OOEP: variants seen among roughly 807,000 people sequenced by gnomAD.
OOEP encodes the protein oocyte-expressed protein homolog.
A neutral mutation model predicts 13.7 loss-of-function variants in OOEP; 16 were observed. The ratio of observed to expected loss-of-function variants is 1.16; its 90% confidence interval spans 0.79 to 1.77. The LOEUF is 1.77. Ranked by LOEUF, OOEP falls within the 40% of genes most tolerant of loss-of-function variation. OOEP has a pLI of 0.00. For missense variants in OOEP, 195 were observed against 193.1 expected (o/e 1.01, Z -0.06); for synonymous variants, 89 against 77.1 (o/e 1.15, Z -0.81).
At chr6:73,390,704 G>A (rs1020590020) in intron 2 of OOEP, among the ~76,000 whole-genome samples, 3 of 149,258 alleles carry the variant, frequency 2.0e-5, no homozygotes, top group Non-Finnish European at 4.4e-5. Context: ...AGCCTCTCAC[G>A]TAGCTGGAGC....
At chr6:73,392,160 TCTGA>T (rs1769355585) in intron 2 of OOEP, among the ~76,000 whole-genome samples, 1 of 152,208 alleles carries the variant, frequency 6.6e-6, no homozygotes, top group South Asian at 2.1e-4. Flanking sequence ...GACCAGTATT[TCTGA>T]CTAACATAGA....
At chr6:73,369,529 T>G in intron 1 of OOEP, 74 bp downstream of exon 1, 1 of 1,531,042 alleles carries the variant, frequency 6.5e-7, no homozygotes, top group Non-Finnish European at 9.0e-7. Context: ...GGAAAGAGAC[T>G]GTAGAGAGCT....
exon 1 of OOEP, chr6:73,394,804 T>C (rs1327062707): frequency 8.5e-6 from 13 of 1,522,512 alleles, no homozygotes; most frequent in Non-Finnish European, 1.1e-5. Context: ...GCTCCTTAAG[T>C]AGCGGCTGCG....
At chr6:73,371,770 AAT>A (rs1769061888), upstream of OOEP, among the ~76,000 whole-genome samples, 1 of 143,084 alleles carries the variant, frequency 7.0e-6, no homozygotes, top group Non-Finnish European at 1.5e-5. Flanking sequence ...AAAAAATAAA[AAT>A]AAAAAAATTT....
At chr6:73,375,946 C>A (rs1338139350) in intron 2 of OOEP, among the ~76,000 whole-genome samples, 1 of 152,020 alleles carries the variant, frequency 6.6e-6, no homozygotes, top group Admixed American at 6.6e-5. Flanking sequence ...CACCCGCCAC[C>A]ACGGCCAGGT....
chr6:73,391,209 G>GGT (rs1769342279), intron 2 of OOEP: 1 of 152,258 alleles, frequency 6.6e-6, no homozygotes, highest in Admixed American at 6.5e-5. Context: ...CAATAAGCCA[G>GGT]GTGTTTGTGT....
chr6:73,394,315 T>C, intron 2 of OOEP: 2 of 715,200 alleles, frequency 2.8e-6, no homozygotes, highest in South Asian at 1.5e-5. Flanking sequence ...TTTTTATGTG[T>C]GGATTGGGTC....
rs1769229167 is a variant in OOEP at position 73,382,968 on chromosome 6, CTGG to C, written c.25+11375_25+11377del. Among the ~76,000 whole-genome samples, 8 of 145,688 alleles carry C rather than the reference CTGG, an allele frequency of 5.5e-5. No individual in the cohort carries two copies. In the Admixed American group the frequency reaches 5.8e-4, roughly 11 times the overall value. On this transcript the variant is annotated intron_variant, in intron 2 of 3. Coordinates refer to the OOEP transcript ENST00000370363. ...CTCCCAGGCTCAGCCTTCCAAGTAA[CTGG>C]AACTACAGGCATGCGCCACCATGCA...
At chr6:73,373,458 A>G (rs897327731), upstream of OOEP, among the ~76,000 whole-genome samples, 4 of 152,126 alleles carry the variant, frequency 2.6e-5, no homozygotes, top group Admixed American at 1.3e-4. Flanking sequence ...AGGTCTCCCT[A>G]TGTTGCCCAG....
rs1769003242 is a variant in OOEP at position 73,369,205 on chromosome 6, C to T, written c.370+1G>A. On this transcript the variant is annotated splice_donor_variant, in intron 2 of 2. Transcript: ENST00000370359. LOFTEE classifies it high-confidence loss of function. ...ACATGCAGGTTCTCAAAGACCCTCA[C>T]CTCGGGCACGATGTTCTCGGTGAAA... 6.2e-7 allele frequency: 1 copy of T among 1,608,254 alleles called. No individual in the cohort carries two copies. Among genetic ancestry groups the T allele is most frequent in the African/African-American group, 1.3e-5 (1 of 74,688 alleles).
intron 2 of OOEP, among the ~76,000 whole-genome samples, chr6:73,381,225 AAAAG>A (rs1417337431): frequency 0.011 from 1,424 of 129,738 alleles, 18 homozygotes; most frequent in African/African-American, 0.033. Flanking sequence ...AAAAAAAAAA[AAAAG>A]AAGAAGAAAA....
upstream of OOEP, among the ~76,000 whole-genome samples, chr6:73,374,421 T>G (rs1424177298): frequency 2.0e-5 from 3 of 152,100 alleles, no homozygotes; most frequent in African/African-American, 7.2e-5. Flanking sequence ...GACCAAAACT[T>G]GAAGCCAATC....
intron 2 of OOEP, among the ~76,000 whole-genome samples, chr6:73,377,396 G>A (rs563853528): frequency 9.3e-5 from 14 of 150,718 alleles, no homozygotes; most frequent in African/African-American, 3.2e-4. Flanking sequence ...TTTATTATCT[G>A]CCTCAGGAGT....
At chr6:73,381,205 T>TAAAAAAAAAAAAAAAAAAAAAGA (rs1769204157) in intron 2 of OOEP, among the ~76,000 whole-genome samples, 1 of 101,000 alleles carries the variant, frequency 9.9e-6, no homozygotes, top group Non-Finnish European at 1.9e-5. Context: ...AAAAAAGTGT[T>TAAAAAAAAAAAAAAAAAAAAAGA]AAAAAAAAAA....
upstream of OOEP, among the ~76,000 whole-genome samples, chr6:73,372,511 A>T (rs1009682185): frequency 2.0e-5 from 3 of 152,120 alleles, no homozygotes; most frequent in African/African-American, 7.3e-5. Context: ...CCAGAATCTG[A>T]TTCGCAAGTG....
chr6:73,369,690 G>GA lies in OOEP; in HGVS notation c.102dup (p.Arg35SerfsTer91), dbSNP rs779545713. ...ACCGGAAACCACCAGGGCCGGATGC[G>GA]AATCTGTGGCGGCGGAAGTGGTAAC... On this transcript the variant is annotated frameshift_variant, in exon 1 of 3. Transcript: ENST00000370359. LOFTEE classifies it high-confidence loss of function. 6.8e-6 allele frequency: 11 copies of GA among 1,613,934 alleles called. No homozygotes were observed. Among genetic ancestry groups the GA allele is most frequent in the Non-Finnish European group, 8.5e-6 (10 of 1,179,908 alleles).
exon 1 of OOEP, chr6:73,394,775 G>GA: frequency 7.4e-7 from 1 of 1,347,064 alleles, no homozygotes; most frequent in Non-Finnish European, 1.0e-6. Flanking sequence ...GCGTGGGCGG[G>GA]GGGGCTAGCC....
chr6:73,395,069 C>T, exon 1 of OOEP: 1 of 1,613,364 alleles, frequency 6.2e-7, no homozygotes, highest in Non-Finnish European at 8.5e-7. Flanking sequence ...AGAGGCACCT[C>T]TAGGCCCCCG....
At chr6:73,375,955 G>A (rs965222660) in intron 2 of OOEP, among the ~76,000 whole-genome samples, 1 of 151,638 alleles carries the variant, frequency 6.6e-6, no homozygotes. Flanking sequence ...CCACGGCCAG[G>A]TGAATTTTTG....
Sources: gnomAD v4.1 joint callset for allele counts (sites outside exome capture counted in the v4.1 genomes callset) on GRCh38, gnomAD v4.1.1 for gene constraint, MANE v1.5 for transcripts, NCBI Gene and HGNC (gene_info 2026-07-23, HGNC 2026-07-21) for gene names.